Variants in MAGI2 observed in about 807,000 individuals in gnomAD.
MAGI2 encodes membrane associated guanylate kinase, WW and PDZ domain containing 2.
A neutral mutation model predicts 133.3 loss-of-function variants in MAGI2; 35 were observed. The ratio of observed to expected loss-of-function variants is 0.26; its 90% confidence interval spans 0.20 to 0.35. The LOEUF (loss-of-function observed/expected upper bound fraction) is 0.35, where lower values mean the gene tolerates loss of function less well. MAGI2 is among the 10% of genes least tolerant of loss of function. The pLI, the probability that MAGI2 is intolerant of heterozygous loss-of-function variation, is 1.00. For missense variants in MAGI2, 1,636 were observed against 1,863.4 expected (o/e 0.88, Z 2.25); for synonymous variants, 729 against 710.6 (o/e 1.03, Z -0.41).
intron 2 of MAGI2, among the ~76,000 whole-genome samples, chr7:78,750,293 T>C (rs938562683): frequency 6.6e-6 from 1 of 152,208 alleles, no homozygotes; most frequent in Non-Finnish European, 1.5e-5. Context: ...GATGGGTATT[T>C]GGGTTGGTTC....
At chr7:78,777,385 T>C (rs148165598) in intron 2 of MAGI2, among the ~76,000 whole-genome samples, 3 of 152,288 alleles carry the variant, frequency 2.0e-5, no homozygotes, top group African/African-American at 7.2e-5. Flanking sequence ...AGGCATTAAA[T>C]AACATAATGC....
At chr7:79,382,027 G>A (rs1843827456) in intron 1 of MAGI2, among the ~76,000 whole-genome samples, 2 of 151,702 alleles carry the variant, frequency 1.3e-5, no homozygotes, top group South Asian at 4.1e-4. Context: ...TACTGCTGGG[G>A]AATAGGGAGA....
At chr7:78,360,875 A>G (rs577069087) in intron 7 of MAGI2, among the ~76,000 whole-genome samples, 5 of 152,316 alleles carry the variant, frequency 3.3e-5, no homozygotes, top group Non-Finnish European at 7.4e-5. Context: ...AGTAGAAGGA[A>G]GGAGCATGGT....
intron 3 of MAGI2, among the ~76,000 whole-genome samples, chr7:78,604,454 T>A (rs968576181): frequency 6.6e-6 from 1 of 152,220 alleles, no homozygotes; most frequent in African/African-American, 2.4e-5. Context: ...TTTATCCCCA[T>A]ACTGAATCCC....
intron 1 of MAGI2, among the ~76,000 whole-genome samples, chr7:79,295,363 C>G (rs1285582461): frequency 6.6e-6 from 1 of 151,948 alleles, no homozygotes; most frequent in Non-Finnish European, 1.5e-5. Context: ...AAAATCAAGA[C>G]AAAAAGTGAC....
intron 2 of MAGI2, among the ~76,000 whole-genome samples, chr7:78,707,665 G>T (rs929518618): frequency 6.6e-6 from 1 of 152,054 alleles, no homozygotes; most frequent in East Asian, 1.9e-4. Flanking sequence ...TCTACTCTGG[G>T]TGATTTGCAT....
chr7:79,286,288 A>C (rs2129558373), intron 1 of MAGI2, among the ~76,000 whole-genome samples: 1 of 152,210 alleles, frequency 6.6e-6, no homozygotes, highest in Admixed American at 6.6e-5. Context: ...TTATAAGCTC[A>C]TCTGATCCTC....
intron 6 of MAGI2, among the ~76,000 whole-genome samples, chr7:78,482,878 T>TACACACACACAC (rs3086358): frequency 1.1e-5 from 1 of 89,886 alleles, no homozygotes; most frequent in African/African-American, 4.0e-5. Context: ...CACATGGAAC[T>TACACACACACAC]ACACACACAC....
At chr7:78,792,364 C>A (rs929065881) in intron 2 of MAGI2, among the ~76,000 whole-genome samples, 1 of 152,144 alleles carries the variant, frequency 6.6e-6, no homozygotes, top group Non-Finnish European at 1.5e-5. Flanking sequence ...CTCATATGAA[C>A]AACACCTTAT....
chr7:78,089,816 T>C (rs1401664467), intron 20 of MAGI2, among the ~76,000 whole-genome samples: 1 of 152,200 alleles, frequency 6.6e-6, no homozygotes. Context: ...TCCATCCATA[T>C]GGTTGCCATA....
At chr7:78,748,632 T>C (rs1357767745) in intron 2 of MAGI2, among the ~76,000 whole-genome samples, 4 of 152,192 alleles carry the variant, frequency 2.6e-5, no homozygotes, top group Non-Finnish European at 4.4e-5. Flanking sequence ...GGACATGACA[T>C]TAGTTTGTGA....
intron 2 of MAGI2, among the ~76,000 whole-genome samples, chr7:78,815,392 G>A (rs1195656175): frequency 1.3e-5 from 2 of 152,164 alleles, no homozygotes. Context: ...CAGAAACTGA[G>A]AGTTAATGGA....
chr7:79,080,204 A>C (rs1584879980), intron 1 of MAGI2, among the ~76,000 whole-genome samples: 1 of 152,280 alleles, frequency 6.6e-6, no homozygotes, highest in South Asian at 2.1e-4. Flanking sequence ...CCAAATTTAT[A>C]TTGATATCAT....
At chr7:78,373,713 T>C (rs969429984) in intron 6 of MAGI2, among the ~76,000 whole-genome samples, 18 of 152,140 alleles carry the variant, frequency 1.2e-4, no homozygotes, top group African/African-American at 4.1e-4. Context: ...CTGAGCATAG[T>C]AGCACAGAGC....
intron 9 of MAGI2, among the ~76,000 whole-genome samples, chr7:78,305,427 C>T (rs1798173756): frequency 6.6e-6 from 1 of 152,136 alleles, no homozygotes; most frequent in Admixed American, 6.6e-5. Context: ...CCAGTGTAGC[C>T]TGGTGCCTAA....
chr7:78,030,304 A>G (rs781561301), intron 21 of MAGI2, among the ~76,000 whole-genome samples: 9 of 152,144 alleles, frequency 5.9e-5, no homozygotes, highest in Non-Finnish European at 1.0e-4. Flanking sequence ...TCGCTCTGTC[A>G]CCAGGCTGGA....
At chr7:78,541,380 C>T (rs1476972238) in intron 3 of MAGI2, among the ~76,000 whole-genome samples, 1 of 152,144 alleles carries the variant, frequency 6.6e-6, no homozygotes, top group Non-Finnish European at 1.5e-5. Context: ...ATTTTGGCTC[C>T]TCAAAAGGAG....
At chr7:79,196,964 A>G (rs980987374) in intron 1 of MAGI2, among the ~76,000 whole-genome samples, 20 of 151,584 alleles carry the variant, frequency 1.3e-4, no homozygotes, top group African/African-American at 4.4e-4. Flanking sequence ...ATAGAGAGAG[A>G]GAGACTGGGT....
chr7:78,456,057 C>G (rs763813049), intron 6 of MAGI2, among the ~76,000 whole-genome samples: 2 of 151,704 alleles, frequency 1.3e-5, no homozygotes, highest in Non-Finnish European at 2.9e-5. Flanking sequence ...GTTTCAGTTG[C>G]TTCTACATGA....
Sources: gnomAD v4.1 joint callset for allele counts (sites outside exome capture counted in the v4.1 genomes callset) on GRCh38, gnomAD v4.1.1 for gene constraint, MANE v1.5 for transcripts, NCBI Gene and HGNC (gene_info 2026-07-23, HGNC 2026-07-21) for gene names.